The following RBPJ variants were observed in gnomAD, a reference collection of about 807,000 sequenced individuals.
RBPJ encodes recombination signal binding protein for immunoglobulin kappa J region, also known as recombining binding protein suppressor of hairless.
RBPJ carries 9 observed loss-of-function variants against 67.8 expected under a neutral mutation model. The ratio of observed to expected loss-of-function variants is 0.13; its 90% CI spans 0.08 to 0.23. The LOEUF is 0.23. RBPJ is among the 10% of genes least tolerant of loss of function. The probability of loss-of-function intolerance (pLI) is 1.00; values close to 1 mark genes in which losing one functional copy is unlikely to be tolerated. For missense variants in RBPJ, 305 were observed against 595.6 expected (o/e 0.51, Z 5.08); for synonymous variants, 198 against 203.3 (o/e 0.97, Z 0.22).
intron 1 of RBPJ, among the ~76,000 whole-genome samples, chr4:26,310,203 T>C (rs1722383933): frequency 6.6e-6 from 1 of 152,214 alleles, no homozygotes; most frequent in Admixed American, 6.5e-5. Context: ...TTCTATTTCT[T>C]TTAATCCTGG....
intron 1 of RBPJ, among the ~76,000 whole-genome samples, chr4:26,352,708 A>G (rs1726940808): frequency 6.6e-6 from 1 of 152,236 alleles, no homozygotes; most frequent in African/African-American, 2.4e-5. Flanking sequence ...GTCTCAAACA[A>G]CAACAACAAA....
chr4:26,114,649 C>T, the RBPJ span, among the ~76,000 whole-genome samples: 8 of 151,626 alleles, frequency 5.3e-5, no homozygotes, highest in Admixed American at 3.9e-4. Flanking sequence ...TATTATGGTA[C>T]GTGTTAACGT....
At chr4:26,135,510 G>A in the RBPJ span, among the ~76,000 whole-genome samples, 90 of 152,046 alleles carry the variant, frequency 5.9e-4, 2 homozygotes, top group South Asian at 0.019. Flanking sequence ...CCAGTGGGTT[G>A]GGCAATTGCC....
At chr4:26,203,494 A>G (rs1171185235) in intron 1 of RBPJ, among the ~76,000 whole-genome samples, 1 of 152,052 alleles carries the variant, frequency 6.6e-6, no homozygotes, top group East Asian at 1.9e-4. Context: ...TCTGTCATAA[A>G]TTTATTTATC....
rs1736300040 is a variant in RBPJ, at chr4:26,432,217, G to A, written c.*1210G>A. Reference sequence around the variant, plus strand: ...ATGAGGAAAATGTCCGCAAAAGCATGTTTTATTATCTTTACTTTTTTGGGG... The same window carrying A: ...ATGAGGAAAATGTCCGCAAAAGCATATTTTATTATCTTTACTTTTTTGGGG... On this transcript the variant is annotated 3_prime_UTR_variant, in exon 11 of 11. Transcript: ENST00000355476. The A allele has an allele frequency of 6.6e-6, 1 of 152,216 alleles. No homozygotes were observed. The highest frequency in any genetic ancestry group is 6.5e-5 in the Admixed American group (1 of 15,272). The allele number at this position is 152,216 out of a possible 1,614,324, so 9.4% of individuals were successfully genotyped here.
rs573271840 is a variant in RBPJ at position 26,430,938 on chromosome 4, G to A, written c.1395G>A (p.Glu465=). Residue 465 remains glutamate, a synonymous_variant, in exon 11 of 11, where the codon GAG becomes GAA. Coordinates refer to ENST00000355476, the MANE Select transcript of RBPJ (RefSeq NM_015874.6). This position sits in a 1 kb window ranked among gnomAD's most constrained non-coding sequence, Gnocchi z 4.1. ...VPPNESNTNS[E]GSYTNASTNS... Reference sequence around the variant, plus strand: ...CTAACGAATCAAACACAAACAGCGAGGGAAGTTACACAAACGCCAGCACAA... The same window carrying A: ...CTAACGAATCAAACACAAACAGCGAAGGAAGTTACACAAACGCCAGCACAA... 253 of 1,614,014 alleles carry A rather than the reference G, an allele frequency of 1.6e-4. 1 individual carries two copies. In the South Asian group the frequency reaches 2.6e-3, roughly 17 times the overall value.
intron 1 of RBPJ, among the ~76,000 whole-genome samples, chr4:26,299,672 CTTTTTT>C (rs397879662): frequency 5.9e-5 from 5 of 85,304 alleles, no homozygotes; most frequent in African/African-American, 2.3e-4. Flanking sequence ...AGACTGTGTG[CTTTTTT>C]TTTTTTTTTT....
At chr4:26,117,585 T>C in the RBPJ span, among the ~76,000 whole-genome samples, 2 of 152,116 alleles carry the variant, frequency 1.3e-5, no homozygotes, top group African/African-American at 4.8e-5. Context: ...GACTTTACTG[T>C]CTATTCTGAA....
chr4:26,251,032 C>T (rs1357094054), intron 1 of RBPJ, among the ~76,000 whole-genome samples: 1 of 152,158 alleles, frequency 6.6e-6, no homozygotes, highest in Admixed American at 6.5e-5. Context: ...CTACAAATTT[C>T]CTTTACAATG....
At chr4:26,154,950 T>A in the RBPJ span, among the ~76,000 whole-genome samples, 2 of 152,172 alleles carry the variant, frequency 1.3e-5, no homozygotes, top group Non-Finnish European at 2.9e-5. Flanking sequence ...CCTCCAATAC[T>A]GAGAACACAT....
intron 1 of RBPJ, among the ~76,000 whole-genome samples, chr4:26,214,900 A>AAAAG (rs1200301047): frequency 0.052 from 672 of 12,860 alleles, 26 homozygotes; most frequent in African/African-American, 0.27. Context: ...AAAAAAGAGA[A>AAAAG]AAAGAAAGAA....
chr4:26,219,249 G>A (rs148167024), intron 1 of RBPJ, among the ~76,000 whole-genome samples: 3 of 152,282 alleles, frequency 2.0e-5, no homozygotes, highest in South Asian at 2.1e-4. Context: ...TACCAGCCAC[G>A]AGTCTTATTG....
intron 1 of RBPJ, among the ~76,000 whole-genome samples, chr4:26,309,033 A>ATTTTT (rs35277701): frequency 7.1e-6 from 1 of 141,248 alleles, no homozygotes. Flanking sequence ...TAATTATCTA[A>ATTTTT]TTTTTTTTTT....
intron 1 of RBPJ, among the ~76,000 whole-genome samples, chr4:26,327,671 C>T (rs989264724): frequency 6.8e-6 from 1 of 146,298 alleles, no homozygotes; most frequent in Non-Finnish European, 1.5e-5. Context: ...AAAAAGTTTA[C>T]ATAACAGGAG....
intron 1 of RBPJ, among the ~76,000 whole-genome samples, chr4:26,309,033 ATTTT>A (rs35277701): frequency 7.1e-6 from 1 of 141,222 alleles, no homozygotes; most frequent in Non-Finnish European, 1.6e-5. Context: ...TAATTATCTA[ATTTT>A]TTTTTTTTTT....
chr4:26,179,459 G>C (rs1263323229), intron 1 of RBPJ, among the ~76,000 whole-genome samples: 2 of 151,874 alleles, frequency 1.3e-5, no homozygotes, highest in Non-Finnish European at 2.9e-5. Context: ...TGCATTCCTA[G>C]AGTAATATGA....
At chr4:26,366,414 A>G (rs1288007478) in intron 1 of RBPJ, among the ~76,000 whole-genome samples, 1 of 151,786 alleles carries the variant, frequency 6.6e-6, no homozygotes, top group Non-Finnish European at 1.5e-5. Context: ...GTAAATATAT[A>G]TGTGTATTTA....
chr4:26,301,839 C>G (rs1423512440), intron 1 of RBPJ, among the ~76,000 whole-genome samples: 1 of 151,894 alleles, frequency 6.6e-6, no homozygotes, highest in African/African-American at 2.4e-5. Flanking sequence ...GTTGCCCAGG[C>G]TGGAGTGCAG....
chr4:26,193,831 C>T (rs1449338198), intron 1 of RBPJ, among the ~76,000 whole-genome samples: 1 of 152,164 alleles, frequency 6.6e-6, no homozygotes, highest in Admixed American at 6.6e-5. Flanking sequence ...CTAAGCCTGA[C>T]CTCCAGAGCC....
Sources: allele counts gnomAD v4.1 joint callset (sites outside exome capture counted in the v4.1 genomes callset), GRCh38; gene constraint gnomAD v4.1.1; non-coding constraint Gnocchi (gnomAD v3.1); transcripts MANE v1.5; gene names NCBI Gene and HGNC (gene_info 2026-07-23, HGNC 2026-07-21).